The following CNTN1 variants were observed in gnomAD, a reference collection of about 807,000 sequenced individuals.
The protein encoded by CNTN1 is contactin 1.
Under a neutral mutation model 126.4 loss-of-function variants are expected in CNTN1, and 38 were observed. The observed-to-expected ratio is 0.30, with a 90% CI of 0.23 to 0.39. The LOEUF (loss-of-function observed/expected upper bound fraction) is 0.39, where lower values mean the gene tolerates loss of function less well. Ranked by LOEUF, CNTN1 falls within the 10% of genes least tolerant of loss-of-function variation. CNTN1 has a pLI of 1.00. For synonymous variants in CNTN1, 413 were observed against 422.6 expected (o/e 0.98, Z 0.28); for missense variants, 1,009 against 1,248.4 (o/e 0.81, Z 2.89).
chr12:40,981,574 G>T (rs528124043), intron 16 of CNTN1, among the ~76,000 whole-genome samples: 2 of 152,060 alleles, frequency 1.3e-5, no homozygotes, highest in East Asian at 1.9e-4. Context: ...GATTTTTAAA[G>T]ACATTTTGGA....
intron 15 of CNTN1, among the ~76,000 whole-genome samples, chr12:40,975,178 TTATATATATATATATATA>T (rs58939653): frequency 1.3e-3 from 63 of 48,680 alleles, no homozygotes; most frequent in East Asian, 7.4e-3. Flanking sequence ...GTAAAATGGA[TTATATATATATATATATA>T]TATATATATA....
intron 1 of CNTN1, among the ~76,000 whole-genome samples, chr12:40,865,367 T>C (rs1943261725): frequency 6.6e-6 from 1 of 152,134 alleles, no homozygotes; most frequent in African/African-American, 2.4e-5. Flanking sequence ...TCTAATTCTA[T>C]TTTTGCTTTT....
intron 23 of CNTN1, among the ~76,000 whole-genome samples, chr12:41,067,045 G>A (rs2121147963): frequency 6.6e-6 from 1 of 152,236 alleles, no homozygotes. Flanking sequence ...TGATATATAT[G>A]TTGTTAGATT....
At chr12:40,773,650 TATATACAC>T (rs1266894317) in intron 1 of CNTN1, among the ~76,000 whole-genome samples, 10 of 3,604 alleles carry the variant, frequency 2.8e-3, no homozygotes, top group African/African-American at 3.5e-3. Flanking sequence ...TATATATATA[TATATACAC>T]ATATATATAT....
intron 17 of CNTN1, 95 bp from the exon 18 acceptor site, chr12:41,014,133 G>C: frequency 9.2e-7 from 1 of 1,090,604 alleles, no homozygotes; most frequent in South Asian, 1.3e-5. Flanking sequence ...AAAAACATTT[G>C]TGGTTTCTGT....
chr12:40,806,657 A>C (rs2136494826), intron 1 of CNTN1, among the ~76,000 whole-genome samples: 1 of 152,234 alleles, frequency 6.6e-6, no homozygotes, highest in Admixed American at 6.5e-5. Context: ...TCTTTTTGTC[A>C]GATGTCCTGA....
At chr12:40,983,852 A>G (rs1472213550) in intron 16 of CNTN1, among the ~76,000 whole-genome samples, 2 of 94,156 alleles carry the variant, frequency 2.1e-5, no homozygotes, top group East Asian at 2.5e-4. Flanking sequence ...AGCATATTTT[A>G]TTATATGCTA....
At chr12:40,744,303 AT>A (rs1938081115) in intron 1 of CNTN1, among the ~76,000 whole-genome samples, 1 of 18,534 alleles carries the variant, frequency 5.4e-5, no homozygotes, top group East Asian at 2.6e-3. Context: ...ATTAAATTAA[AT>A]AAAAAAAAAA....
chr12:40,799,331 C>T (rs1940560881), intron 1 of CNTN1, among the ~76,000 whole-genome samples: 1 of 151,360 alleles, frequency 6.6e-6, no homozygotes, highest in South Asian at 2.1e-4. Flanking sequence ...ATAGAATTTG[C>T]ACTAAAATTA....
In CNTN1 at chr12:40,744,884, G is replaced by A. The variant is rs868020619; in HGVS notation, c.-77+52292G>A. ...TCAGGAAAATAAAATTACTGTTTTG[G>A]AGAACATTTGGAAAAATAATCATAT... On this transcript the variant is annotated intron_variant, in intron 1 of 23. Transcript: ENST00000551295. 5.3e-5 allele frequency among the ~76,000 whole-genome samples: 8 copies of A among 152,158 alleles called. No individual in the cohort carries two copies. The Middle Eastern group carries it at 0.01, about 194-fold the overall frequency.
chr12:41,018,926 G>A (rs2120766165), intron 19 of CNTN1, among the ~76,000 whole-genome samples: 1 of 152,254 alleles, frequency 6.6e-6, no homozygotes, highest in East Asian at 1.9e-4. Context: ...GGAGGTCGAG[G>A]TGGGCGGATC....
Position 41,020,555 on chromosome 12 carries a change from A to C in CNTN1, c.2523+115A>C, listed in dbSNP as rs280362. 0.062 allele frequency: 43,376 copies of C among 699,572 alleles called. 2,147 individuals are homozygous for C. The highest frequency in any genetic ancestry group is 0.21 in the African/African-American group (11,505 of 55,768). 43.3% of individuals were successfully genotyped at this position (699,572 alleles called of 1,614,324 possible). ...TAATTTATGTGGCAACTAATACTTT[A>C]TTCTCTGTGTCTAGTATTGTGGTCA... is the stretch of plus-strand genomic sequence containing the variant. On this transcript the variant is annotated intron_variant, in intron 20 of 23. Transcript: ENST00000551295.
At chr12:40,975,470 G>T (rs185087316) in intron 15 of CNTN1, among the ~76,000 whole-genome samples, 231 of 151,880 alleles carry the variant, frequency 1.5e-3, no homozygotes, top group African/African-American at 5.3e-3. Flanking sequence ...GTAGCTGTTC[G>T]TAAACTTGTT....
chr12:40,926,195 A>AGATAGATAGATAGAT (rs1160338483), intron 6 of CNTN1, among the ~76,000 whole-genome samples: 2 of 151,524 alleles, frequency 1.3e-5, no homozygotes, highest in African/African-American at 4.9e-5. Flanking sequence ...ATAGATAGAT[A>AGATAGATAGATAGAT]GATAGATAGA....
At chr12:40,850,893 A>C (rs1029659943) in intron 1 of CNTN1, among the ~76,000 whole-genome samples, 3 of 152,128 alleles carry the variant, frequency 2.0e-5, no homozygotes, top group Non-Finnish European at 4.4e-5. Context: ...TTAAAATACC[A>C]TTTTCTTGGC....
chr12:40,852,369 G>T (rs1310324192), intron 1 of CNTN1, among the ~76,000 whole-genome samples: 1 of 152,110 alleles, frequency 6.6e-6, no homozygotes, highest in Non-Finnish European at 1.5e-5. Flanking sequence ...GGGTTGATCA[G>T]CAATGCTTGG....
chr12:40,858,060 T>C (rs953543486), intron 1 of CNTN1, among the ~76,000 whole-genome samples: 2 of 152,198 alleles, frequency 1.3e-5, no homozygotes, highest in African/African-American at 4.8e-5. Flanking sequence ...CTGGGCTGTG[T>C]TCCCTTCTGG....
intron 20 of CNTN1, 110 bp downstream of exon 20, chr12:41,020,550 A>G (rs1161194789): frequency 7.0e-6 from 5 of 717,114 alleles, no homozygotes; most frequent in Admixed American, 6.9e-5. Context: ...GGCAACTAAT[A>G]CTTTATTCTC....
chr12:40,739,894 C>G (rs557242695), intron 1 of CNTN1, among the ~76,000 whole-genome samples: 1 of 151,990 alleles, frequency 6.6e-6, no homozygotes, highest in African/African-American at 2.4e-5. Flanking sequence ...ATTACACTAC[C>G]AAGGATTAGA....
Sources: gnomAD v4.1 joint callset for allele counts (sites outside exome capture counted in the v4.1 genomes callset) on GRCh38, gnomAD v4.1.1 for gene constraint, MANE v1.5 for transcripts, NCBI Gene and HGNC (gene_info 2026-07-23, HGNC 2026-07-21) for gene names.